The following AGO3 variants were observed in gnomAD, a reference collection of about 807,000 sequenced individuals.
The protein encoded by AGO3 is argonaute RISC catalytic component 3, also known as protein argonaute-3.
In AGO3, 16 loss-of-function variants were observed where a neutral mutation model predicts 105.5. The ratio of observed to expected loss-of-function variants is 0.15; its 90% CI spans 0.10 to 0.23. The LOEUF (loss-of-function observed/expected upper bound fraction) is 0.23, where lower values mean the gene tolerates loss of function less well. Among genes scored for constraint, AGO3 ranks in the 10% least tolerant of loss-of-function variants. The probability of loss-of-function intolerance (pLI) is 1.00; values close to 1 mark genes in which losing one functional copy is unlikely to be tolerated. For missense variants in AGO3, 534 were observed against 1,088.0 expected (o/e 0.49, Z 7.16); for synonymous variants, 340 against 367.3 (o/e 0.93, Z 0.85).
intron 5 of AGO3, among the ~76,000 whole-genome samples, chr1:36,000,299 A>G (rs900719287): frequency 2.0e-5 from 3 of 152,170 alleles, no homozygotes; most frequent in Non-Finnish European, 2.9e-5. Context: ...ATTCAAAACT[A>G]TATTTGCTGA....
chr1:35,943,602 T>C (rs950062617), intron 1 of AGO3, among the ~76,000 whole-genome samples: 12 of 93,130 alleles, frequency 1.3e-4, no homozygotes, highest in Admixed American at 9.2e-4. Flanking sequence ...CCCCCAGCCC[T>C]TTTTTTTTTT....
chr1:35,964,370 A>G (rs1442930187), intron 2 of AGO3, among the ~76,000 whole-genome samples: 1 of 152,180 alleles, frequency 6.6e-6, no homozygotes. Context: ...AAGTGAGAGC[A>G]TGCAGTATTT....
chr1:35,931,033 AGG>A (rs1420203142), upstream of AGO3: 1 of 373,048 alleles, frequency 2.7e-6, no homozygotes, highest in Non-Finnish European at 4.8e-6. Flanking sequence ...CGGGGCCCAG[AGG>A]CGAGGCGAGG....
At chr1:36,050,619 C>T (rs1642671995) in intron 17 of AGO3, among the ~76,000 whole-genome samples, 1 of 151,670 alleles carries the variant, frequency 6.6e-6, no homozygotes, top group South Asian at 2.1e-4. Context: ...TGGCAAAACC[C>T]CGTCTCTACT....
chr1:36,041,072 C>CAAAAA (rs35842002), intron 16 of AGO3, among the ~76,000 whole-genome samples: 1 of 33,212 alleles, frequency 3.0e-5, no homozygotes. Context: ...AACTCCATCT[C>CAAAAA]AAAAAAAAAA....
At chr1:35,941,426 A>G (rs982603289) in intron 1 of AGO3, among the ~76,000 whole-genome samples, 14 of 152,150 alleles carry the variant, frequency 9.2e-5, no homozygotes, top group Non-Finnish European at 1.3e-4. Context: ...AAGTCAGATC[A>G]TAACACTTTT....
intron 1 of AGO3, among the ~76,000 whole-genome samples, chr1:35,937,025 G>A (rs934612609): frequency 6.6e-6 from 1 of 152,076 alleles, no homozygotes; most frequent in Non-Finnish European, 1.5e-5. Context: ...TAGTATTTCT[G>A]TGAACTTTAA....
chr1:35,971,887 C>CAA, intron 3 of AGO3, 137 bp from the exon 4 acceptor site: 1 of 761,428 alleles, frequency 1.3e-6, no homozygotes. Context: ...ATTTTATCTA[C>CAA]AAAAAAAAAT....
intron 5 of AGO3, among the ~76,000 whole-genome samples, chr1:35,998,532 C>T (rs1274457148): frequency 1.3e-5 from 2 of 152,108 alleles, no homozygotes; most frequent in African/African-American, 4.8e-5. Flanking sequence ...AGTCTGAGAG[C>T]TTTCATTCTT....
chr1:36,055,566 A>T lies in AGO3; in HGVS notation c.2475-71A>T. ...ATAATTTTGAAATTTTCTACAACAA[A>T]TAGTATTTTTCGGAATTATTACATC... On this transcript the variant is annotated intron_variant, in intron 18 of 18. Coordinates refer to ENST00000373191, the MANE Select transcript of AGO3 (RefSeq NM_024852.4). This position sits in a 1 kb window ranked among gnomAD's most constrained non-coding sequence, Gnocchi z 4.4. 2.1e-6 allele frequency: 3 copies of T among 1,395,366 alleles called. No individual in the cohort carries two copies. The highest frequency in any genetic ancestry group is 1.0e-6 in the Non-Finnish European group (1 of 986,730). 86.4% of individuals were successfully genotyped at this position (1,395,366 alleles called of 1,614,324 possible).
intron 5 of AGO3, among the ~76,000 whole-genome samples, chr1:35,981,866 C>CA (rs982793704): frequency 2.0e-5 from 3 of 152,138 alleles, no homozygotes; most frequent in Non-Finnish European, 4.4e-5. Context: ...GCTATTCCCC[C>CA]ACCAGATTCC....
Position 35,931,337 on chromosome 1 carries a change from TCGCGTCGCGC to T in AGO3, c.-81_-72del. On this transcript the variant is annotated 5_prime_UTR_variant, in exon 1 of 19. Transcript: ENST00000373191. Reference sequence around the variant, plus strand: ...CCTCGGGGCCGAGTGAGAGTGCCCGTCGCGTCGCGCCGCGTCGCCCCCCGGGCCGCCTCCT... The same window carrying T: ...CCTCGGGGCCGAGTGAGAGTGCCCGTCGCGTCGCCCCCCGGGCCGCCTCCT... 1 of 1,251,916 alleles carries T rather than the reference TCGCGTCGCGC, an allele frequency of 8.0e-7. No homozygotes were observed. Among genetic ancestry groups the T allele is most frequent in the Non-Finnish European group, 1.0e-6 (1 of 956,098 alleles). The allele number at this position is 1,251,916 out of a possible 1,614,324, so 77.6% of individuals were successfully genotyped here. A position where few individuals can be genotyped will look rare whatever the true frequency, so the allele number is the denominator to read the frequency against.
chr1:35,934,142 A>G (rs2148737343), intron 1 of AGO3, among the ~76,000 whole-genome samples: 1 of 152,322 alleles, frequency 6.6e-6, no homozygotes, highest in East Asian at 1.9e-4. Context: ...GTTATGTTTC[A>G]GTTCTAAATA....
intron 5 of AGO3, 46 bp downstream of exon 5, chr1:35,973,557 T>C (rs1159591317): frequency 1.4e-6 from 2 of 1,410,510 alleles, no homozygotes; most frequent in South Asian, 3.7e-5. Context: ...TGGATTTCTG[T>C]ATGATGTGTG....
intron 11 of AGO3, among the ~76,000 whole-genome samples, chr1:36,024,971 C>G (rs1406615553): frequency 6.6e-6 from 1 of 151,918 alleles, no homozygotes; most frequent in Non-Finnish European, 1.5e-5. Context: ...CTCTACCCAT[C>G]AGTATCCTCT....
Position 36,017,291 on chromosome 1 carries a change from C to T in AGO3, c.1406+3243C>T, listed in dbSNP as rs533860186. Among the ~76,000 whole-genome samples the T allele has an allele frequency of 3.3e-5, 5 of 152,224 alleles. No homozygotes were observed. In the East Asian group the frequency reaches 7.7e-4, roughly 24 times the overall value. Reference sequence around the variant, plus strand: ...CCAAGCCACCTAAAATCAAATAGATCGAAGAATAAGCTAGAATAAGAGTCT... The same window carrying T: ...CCAAGCCACCTAAAATCAAATAGATTGAAGAATAAGCTAGAATAAGAGTCT... On this transcript the variant is annotated intron_variant, in intron 11 of 18. Transcript: ENST00000373191.
At position 35,993,738 on chromosome 1, in the gene AGO3, CT is replaced by C. The variant is rs141978570; in HGVS notation, c.659-10577del. Among the ~76,000 whole-genome samples, 744 of 90,708 alleles carry C rather than the reference CT, an allele frequency of 8.2e-3. 1 individual carries two copies. The highest frequency in any genetic ancestry group is 0.033 in the African/African-American group (657 of 19,798). The allele number at this position is 90,708 out of a possible 152,430, so 59.5% of individuals were successfully genotyped here. On this transcript the variant is annotated intron_variant, in intron 5 of 18. Transcript: ENST00000373191. Reference sequence around the variant, plus strand: ...AGGCTTCCCCAACCACCACCCCCTGCTTTTTTTTTTTTTTTTTTTTTTTTTT... The same window carrying C: ...AGGCTTCCCCAACCACCACCCCCTGCTTTTTTTTTTTTTTTTTTTTTTTTT...
At chr1:36,033,946 C>T (rs1641897392) in intron 12 of AGO3, among the ~76,000 whole-genome samples, 1 of 152,088 alleles carries the variant, frequency 6.6e-6, no homozygotes, top group South Asian at 2.1e-4. Context: ...CCTTTTTATA[C>T]AAAGAAGAAA....
intron 17 of AGO3, among the ~76,000 whole-genome samples, chr1:36,045,392 T>C (rs529453346): frequency 1.7e-4 from 26 of 152,128 alleles, no homozygotes; most frequent in African/African-American, 6.3e-4. Flanking sequence ...GAGCTAATTT[T>C]TGCATTTTTA....
Sources: allele counts gnomAD v4.1 joint callset (sites outside exome capture counted in the v4.1 genomes callset), GRCh38; gene constraint gnomAD v4.1.1; non-coding constraint Gnocchi (gnomAD v3.1); transcripts MANE v1.5; gene names NCBI Gene and HGNC (gene_info 2026-07-23, HGNC 2026-07-21).